FNDC11: variants seen among roughly 807,000 people sequenced by gnomAD.
FNDC11 encodes fibronectin type III domain-containing protein 11.
In FNDC11, 15 loss-of-function variants were observed where a neutral mutation model predicts 15.8. The ratio of observed to expected loss-of-function variants is 0.95; its 90% CI spans 0.63 to 1.46. The LOEUF is 1.46. FNDC11 is among the 40% of genes most tolerant of loss of function. The probability of loss-of-function intolerance (pLI) is 0.00; values close to 1 mark genes in which losing one functional copy is unlikely to be tolerated. For synonymous variants in FNDC11, 190 were observed against 203.1 expected (o/e 0.94, Z 0.55); for missense variants, 416 against 443.4 (o/e 0.94, Z 0.55).
At chr20:63,554,647 G>T (rs959579588) in intron 1 of FNDC11, 4 of 152,324 alleles carry the variant, frequency 2.6e-5, no homozygotes, top group Non-Finnish European at 5.9e-5. Flanking sequence ...GCCTGTTCTC[G>T]AGGGATTCCC....
chr20:63,553,595 G>C (rs372801559), upstream of FNDC11: 2 of 120,758 alleles, frequency 1.7e-5, no homozygotes, highest in Admixed American at 7.6e-5. Context: ...GGGCCGTTGC[G>C]GGGGAGGGGG....
chr20:63,556,271 T>C lies in FNDC11; in HGVS notation c.608T>C (p.Met203Thr). 2 of 1,600,292 alleles carry C rather than the reference T, an allele frequency of 1.2e-6. No homozygotes were observed. Among genetic ancestry groups the C allele is most frequent in the South Asian group, 1.1e-5 (1 of 90,408 alleles). Reference sequence around the variant, plus strand: ...ACCAAGATCCCGCACATCTGGCTCATGCTGAGCACCAAGATGCCTGTCGTG... The same window carrying C: ...ACCAAGATCCCGCACATCTGGCTCACGCTGAGCACCAAGATGCCTGTCGTG... ...SATKIPHIWL[M>T]LSTKMPVVFD... The change falls in exon 2 of 2, where the codon ATG (methionine) becomes ACG (threonine). Residue 203 changes from methionine (M) to threonine (T), a missense_variant. Coordinates refer to ENST00000370097, the MANE Select transcript of FNDC11 (RefSeq NM_001319152.2).
At chr20:63,555,453 T>G in intron 1 of FNDC11, 1 of 776,550 alleles carries the variant, frequency 1.3e-6, no homozygotes, top group Non-Finnish European at 2.0e-6. Flanking sequence ...TCAGTAGAGG[T>G]TTTTGCCCCT....
Position 63,555,693 on chromosome 20 carries a change from G to A in FNDC11, c.30G>A (p.Leu10=), listed in dbSNP as rs1465731288. 1.9e-6 allele frequency: 3 copies of A among 1,611,664 alleles called. No individual in the cohort carries two copies. The highest frequency in any genetic ancestry group is 2.5e-6 in the Non-Finnish European group (3 of 1,179,402). The change falls in exon 2 of 2, where the codon CTG becomes CTA. Residue 10 remains leucine (L), a synonymous_variant. Coordinates refer to ENST00000370097, the MANE Select transcript of FNDC11 (RefSeq NM_001319152.2). MSTHVAGLG[L]DKMKLGNPQS... is the part of the protein sequence containing the mutation. ...GCACCCATGTGGCAGGCCTGGGCCT[G>A]GACAAGATGAAGCTGGGCAATCCCC...
In FNDC11 at chr20:63,556,314, G is replaced by A. The variant is rs747477512; in HGVS notation, c.651G>A (p.Ser217=). 65 of 1,606,232 alleles carry A rather than the reference G, an allele frequency of 4.0e-5. No individual in the cohort carries two copies. Among genetic ancestry groups the A allele is most frequent in the Admixed American group, 2.0e-4 (12 of 59,908 alleles). The change falls in exon 2 of 2, where the codon TCG becomes TCA. Residue 217 remains serine (S), a synonymous_variant. Transcript: ENST00000370097. ...KMPVVFDRKA[S]AAHQDWARLR... ...CTGTCGTGTTTGACCGAAAGGCGTC[G>A]GCGGCTCACCAGGACTGGGCCCGGC...
rs1398612493 is a variant in FNDC11, at chr20:63,556,287, G to T, written c.624G>T (p.Met208Ile). The T allele has an allele frequency of 6.2e-7, 1 of 1,602,432 alleles. No individual in the cohort carries two copies. The highest frequency in any genetic ancestry group is 1.3e-5 in the African/African-American group (1 of 74,750). The change falls in exon 2 of 2, where the codon ATG (methionine) becomes ATT (isoleucine). Residue 208 changes from methionine to isoleucine, a missense_variant. Met to Ile is a conservative substitution (Grantham distance 10). Transcript: ENST00000370097. Reference protein sequence around the residue: ...PHIWLMLSTKMPVVFDRKASA... With the variant: ...PHIWLMLSTKIPVVFDRKASA... Reference sequence around the variant, plus strand: ...TCTGGCTCATGCTGAGCACCAAGATGCCTGTCGTGTTTGACCGAAAGGCGT... The same window carrying T: ...TCTGGCTCATGCTGAGCACCAAGATTCCTGTCGTGTTTGACCGAAAGGCGT...
In FNDC11 at chr20:63,556,067, A is replaced by T; in HGVS notation, c.404A>T (p.His135Leu). The T allele has an allele frequency of 6.3e-7, 1 of 1,599,818 alleles. No individual in the cohort carries two copies. Among genetic ancestry groups the T allele is most frequent in the Middle Eastern group, 1.6e-4 (1 of 6,062 alleles). Reference sequence around the variant, plus strand: ...GGGGACCTGTTGGAACAGCTCGACCATGGCCGTGCTGAGCTGGATGCCCTG... The same window carrying T: ...GGGGACCTGTTGGAACAGCTCGACCTTGGCCGTGCTGAGCTGGATGCCCTG... ...LLGDLLEQLD[H>L]GRAELDALLR... The change falls in exon 2 of 2, where the codon CAT (histidine) becomes CTT (leucine). Residue 135 changes from histidine to leucine, a missense_variant. His to Leu is a moderately conservative substitution (Grantham distance 99). Coordinates refer to ENST00000370097, the MANE Select transcript of FNDC11 (RefSeq NM_001319152.2).
At chr20:63,553,388 T>C (rs2082775414), upstream of FNDC11, among the ~76,000 whole-genome samples, 2 of 133,500 alleles carry the variant, frequency 1.5e-5, no homozygotes, top group East Asian at 3.2e-4. Context: ...GAGGAGCCTA[T>C]GATGGGAGGG....
Position 63,556,162 on chromosome 20 carries a change from T to A in FNDC11, c.499T>A (p.Ser167Thr). Residue 167 changes from serine to threonine, a missense_variant, in exon 2 of 2, where the codon TCG becomes ACG. By Grantham distance (58) the Ser-to-Thr change is moderately conservative. Transcript: ENST00000370097. ...ALVERRLADV[S>T]AVMDSFLTMM... ...GGTGGAGCGGCGGCTGGCGGACGTG[T>A]CGGCCGTCATGGACAGCTTCCTGAC... The A allele has an allele frequency of 6.3e-7, 1 of 1,595,218 alleles. No individual in the cohort carries two copies. Among genetic ancestry groups the A allele is most frequent in the Non-Finnish European group, 8.5e-7 (1 of 1,172,180 alleles).
At chr20:63,555,303 A>C in intron 1 of FNDC11, 2 of 271,192 alleles carry the variant, frequency 7.4e-6, no homozygotes, top group Non-Finnish European at 1.4e-5. Flanking sequence ...TCCCCTCTCC[A>C]CGGCCCCGAG....
At position 63,555,475 on chromosome 20, in the gene FNDC11, G is replaced by C. The variant is rs1197980094; in HGVS notation, c.-10-179G>C. 7 of 996,942 alleles carry C rather than the reference G, an allele frequency of 7.0e-6. No individual in the cohort carries two copies. In the Admixed American group the frequency reaches 2.0e-4, roughly 29 times the overall value. 61.8% of individuals were successfully genotyped at this position (996,942 alleles called of 1,614,324 possible). A position where few individuals can be genotyped will look rare whatever the true frequency, so the allele number is the denominator to read the frequency against. ...AGGTTTTTGCCCCTCAGTATAAACT[G>C]TGTCCAGATCTGTAGGCTGCCCATC... On this transcript the variant is annotated intron_variant, in intron 1 of 1. Coordinates refer to ENST00000370097, the MANE Select transcript of FNDC11 (RefSeq NM_001319152.2).
upstream of FNDC11, among the ~76,000 whole-genome samples, chr20:63,553,459 A>C (rs1398545225): frequency 1.2e-5 from 1 of 82,660 alleles, no homozygotes. Context: ...TGTGGTGGGA[A>C]GACCCTGTGG....
In FNDC11 at chr20:63,556,142, A is replaced by G. The variant is rs2082809631; in HGVS notation, c.479A>G (p.Glu160Gly). ...RPFLADWALVERRLADVSAVM... is the reference protein window; with the variant it reads ...RPFLADWALVGRRLADVSAVM... ...TTCCTGGCCGACTGGGCGCTGGTGGAGCGGCGGCTGGCGGACGTGTCGGCC... is the reference window on the plus strand; with the variant it reads ...TTCCTGGCCGACTGGGCGCTGGTGGGGCGGCGGCTGGCGGACGTGTCGGCC... The change falls in exon 2 of 2, where the codon GAG (glutamate) becomes GGG (glycine). Residue 160 changes from glutamate (E) to glycine (G), a missense_variant. Transcript: ENST00000370097. 6.3e-7 allele frequency: 1 copy of G among 1,594,654 alleles called. No homozygotes were observed. The highest frequency in any genetic ancestry group is 8.5e-7 in the Non-Finnish European group (1 of 1,172,768).
At chr20:63,554,030 G>A (rs2082783747), upstream of FNDC11, 2 of 152,312 alleles carry the variant, frequency 1.3e-5, no homozygotes, top group South Asian at 4.1e-4. Flanking sequence ...GAAGTCTGGG[G>A]CTCTCCAGGA....
At chr20:63,554,962 C>T (rs953496605) in intron 1 of FNDC11, 3 of 152,364 alleles carry the variant, frequency 2.0e-5, no homozygotes, top group African/African-American at 7.2e-5. Context: ...GCACTGGGCT[C>T]AAGCCCTGGA....
Position 63,555,937 on chromosome 20 carries a change from C to A in FNDC11, c.274C>A (p.Pro92Thr). Residue 92 changes from proline (P) to threonine (T), a missense_variant, in exon 2 of 2, where the codon CCG (proline) becomes ACG (threonine). Physicochemically the swap from Pro to Thr is conservative, Grantham distance 38. Coordinates refer to ENST00000370097, the MANE Select transcript of FNDC11 (RefSeq NM_001319152.2). ...GCACCTGGCCCTGGGCGACCAGAAC[C>A]CGCTGGTGCTGCCTAGCGCCTTGTT... ...PKHLALGDQNPLVLPSALFQL... is the reference protein window; with the variant it reads ...PKHLALGDQNTLVLPSALFQL... 1 of 1,604,762 alleles carries A rather than the reference C, an allele frequency of 6.2e-7. No individual in the cohort carries two copies. The highest frequency in any genetic ancestry group is 8.5e-7 in the Non-Finnish European group (1 of 1,179,966).
Position 63,556,358 on chromosome 20 carries a change from TCCAG to T in FNDC11, c.703_706del (p.Ala235HisfsTer86). ...GCCCGGCTGCGCTGGTTCGTCACCA[TCCAG>T]CCAGCCACATCGGAGCAGTATGAGT... On this transcript the variant is annotated frameshift_variant, in exon 2 of 2. Coordinates refer to ENST00000370097, the MANE Select transcript of FNDC11 (RefSeq NM_001319152.2). LOFTEE classifies it high-confidence loss of function. 1 of 1,612,282 alleles carries T rather than the reference TCCAG, an allele frequency of 6.2e-7. No individual in the cohort carries two copies. Among genetic ancestry groups the T allele is most frequent in the African/African-American group, 1.3e-5 (1 of 75,066 alleles).
At chr20:63,554,899 CCACA>C (rs1405846779) in intron 1 of FNDC11, 4 of 152,312 alleles carry the variant, frequency 2.6e-5, no homozygotes, top group African/African-American at 4.8e-5. Flanking sequence ...GAGCCTGGGG[CCACA>C]GCTGCACTCA....
At chr20:63,553,355 GTA>G (rs1164944226), upstream of FNDC11, among the ~76,000 whole-genome samples, 3 of 113,872 alleles carry the variant, frequency 2.6e-5, no homozygotes, top group African/African-American at 5.3e-5. Flanking sequence ...GGAGGAGCCT[GTA>G]GTGGGAGGAG....
Sources: gnomAD v4.1 joint callset for allele counts (sites outside exome capture counted in the v4.1 genomes callset) on GRCh38, gnomAD v4.1.1 for gene constraint, MANE v1.5 for transcripts, NCBI Gene and HGNC (gene_info 2026-07-23, HGNC 2026-07-21) for gene names.